The following MAGI2 variants were observed in gnomAD, a reference collection of about 807,000 sequenced individuals.
The protein encoded by MAGI2 is membrane-associated guanylate kinase, WW and PDZ domain-containing protein 2.
In MAGI2, 35 loss-of-function variants were observed where a neutral mutation model predicts 133.3. The ratio of observed to expected loss-of-function variants is 0.26; its 90% CI spans 0.20 to 0.35. The LOEUF is 0.35. Ranked by LOEUF, MAGI2 falls within the 10% of genes least tolerant of loss-of-function variation. The pLI, the probability that MAGI2 is intolerant of heterozygous loss-of-function variation, is 1.00. For missense variants in MAGI2, 1,636 were observed against 1,863.4 expected, an observed-to-expected ratio of 0.88 and a Z score of 2.25; for synonymous variants, 729 against 710.6, an observed-to-expected ratio of 1.03 and a Z score of -0.41.
intron 1 of MAGI2, among the ~76,000 whole-genome samples, chr7:79,288,539 T>C (rs541253419): frequency 2.6e-5 from 4 of 152,296 alleles, no homozygotes; most frequent in South Asian, 4.1e-4. Flanking sequence ...ATTCTGCATA[T>C]GGATTTCTGC....
Position 78,019,678 on chromosome 7 carries a change from C to T in MAGI2, c.4005G>A (p.Gln1335=). The part of the protein sequence containing the change: ...RPRLEEAPGG[Q]GRPEAGRPAS... ...CGGGCCTGCCGGCCTCGGGCCGCCC[C>T]TGGCCGCCGGGCGCCTCCTCGAGCC... The change falls in exon 22 of 22, where the codon CAG becomes CAA. Residue 1335 remains glutamine, a synonymous_variant. Coordinates refer to ENST00000354212, the MANE Select transcript of MAGI2 (RefSeq NM_012301.4). 4 of 1,450,136 alleles carry T rather than the reference C, an allele frequency of 2.8e-6. No individual in the cohort carries two copies. The highest frequency in any genetic ancestry group is 2.7e-5 in the South Asian group (2 of 74,332). 89.8% of individuals were successfully genotyped at this position (1,450,136 alleles called of 1,614,324 possible). A position where few individuals can be genotyped will look rare whatever the true frequency, so the allele number is the denominator to read the frequency against.
intron 2 of MAGI2, among the ~76,000 whole-genome samples, chr7:78,859,383 G>A: frequency 6.6e-6 from 1 of 151,804 alleles, no homozygotes; most frequent in Non-Finnish European, 1.5e-5. Flanking sequence ...GGTATCAGTT[G>A]TTCCTTTCCA....
At chr7:78,091,042 ATGTG>A (rs754389330) in intron 20 of MAGI2, among the ~76,000 whole-genome samples, 1 of 103,764 alleles carries the variant, frequency 9.6e-6, no homozygotes, top group Non-Finnish European at 2.2e-5. Flanking sequence ...ACTGATGTGT[ATGTG>A]TGTGTATGTG....
At chr7:78,396,457 G>A (rs73367682) in intron 6 of MAGI2, among the ~76,000 whole-genome samples, 1,587 of 152,088 alleles carry the variant, frequency 0.01, 23 homozygotes, top group African/African-American at 0.037. Context: ...ACTTTACTTG[G>A]AACGTTCTTC....
intron 1 of MAGI2, among the ~76,000 whole-genome samples, chr7:79,230,398 A>C (rs1831259891): frequency 6.6e-6 from 1 of 151,894 alleles, no homozygotes; most frequent in South Asian, 2.1e-4. Flanking sequence ...ACTAGTTTAC[A>C]GTCCCACCAA....
At chr7:79,395,562 C>T (rs1844987925) in intron 1 of MAGI2, among the ~76,000 whole-genome samples, 1 of 152,146 alleles carries the variant, frequency 6.6e-6, no homozygotes, top group East Asian at 1.9e-4. Context: ...TGTATAGTGA[C>T]TCATATTATT....
intron 1 of MAGI2, among the ~76,000 whole-genome samples, chr7:79,319,841 A>T (rs572513964): frequency 6.6e-6 from 1 of 152,274 alleles, no homozygotes; most frequent in African/African-American, 2.4e-5. Flanking sequence ...TTTCAAGGAG[A>T]TAGACATGAT....
At chr7:78,871,509 T>A (rs938508742) in intron 2 of MAGI2, among the ~76,000 whole-genome samples, 1 of 151,978 alleles carries the variant, frequency 6.6e-6, no homozygotes, top group African/African-American at 2.4e-5. Context: ...ATTTACATAG[T>A]GATAGTAATT....
intron 1 of MAGI2, among the ~76,000 whole-genome samples, chr7:79,028,265 A>ATG (rs1554336426): frequency 1.3e-3 from 31 of 23,032 alleles, no homozygotes; most frequent in African/African-American, 3.9e-3. Context: ...ATATATATAT[A>ATG]TATGTATGTA....
intron 3 of MAGI2, among the ~76,000 whole-genome samples, chr7:78,563,198 T>C (rs1044151377): frequency 1.3e-5 from 2 of 152,168 alleles, no homozygotes; most frequent in African/African-American, 2.4e-5. Flanking sequence ...CCTTGCAAGA[T>C]GACAGGGCAC....
intron 6 of MAGI2, among the ~76,000 whole-genome samples, chr7:78,421,468 G>A (rs1245513446): frequency 6.6e-6 from 1 of 152,154 alleles, no homozygotes; most frequent in African/African-American, 2.4e-5. Flanking sequence ...AAATATAACT[G>A]AGTTAGCATG....
intron 15 of MAGI2, among the ~76,000 whole-genome samples, chr7:78,161,129 T>C (rs1162410012): frequency 6.6e-6 from 1 of 152,214 alleles, no homozygotes; most frequent in Non-Finnish European, 1.5e-5. Flanking sequence ...TTTCCATTTT[T>C]ACAGTCCATC....
At chr7:79,301,152 C>G (rs1450040240) in intron 1 of MAGI2, among the ~76,000 whole-genome samples, 1 of 152,212 alleles carries the variant, frequency 6.6e-6, no homozygotes, top group African/African-American at 2.4e-5. Flanking sequence ...GATTTGGAGC[C>G]CCCACACAGA....
intron 2 of MAGI2, among the ~76,000 whole-genome samples, chr7:78,853,670 T>C (rs944782171): frequency 2.6e-5 from 4 of 152,064 alleles, no homozygotes; most frequent in African/African-American, 4.8e-5. Context: ...CTTGATGTAA[T>C]ATCCTGCTCC....
chr7:78,317,507 T>C (rs1340925848), intron 9 of MAGI2, among the ~76,000 whole-genome samples: 1 of 152,178 alleles, frequency 6.6e-6, no homozygotes, highest in Non-Finnish European at 1.5e-5. Flanking sequence ...CATATTAAGA[T>C]ACGTAAGAAG....
intron 3 of MAGI2, among the ~76,000 whole-genome samples, chr7:78,532,462 G>A (rs966158420): frequency 1.3e-5 from 2 of 152,126 alleles, no homozygotes; most frequent in Non-Finnish European, 2.9e-5. Context: ...CCTTTCATTT[G>A]CATCCATCCC....
chr7:79,080,329 G>A (rs892787707), intron 1 of MAGI2, among the ~76,000 whole-genome samples: 4 of 152,070 alleles, frequency 2.6e-5, no homozygotes, highest in Admixed American at 1.3e-4. Flanking sequence ...AAGTATACTG[G>A]GCAGCTCACT....
chr7:79,010,142 G>A (rs573244836), intron 1 of MAGI2, among the ~76,000 whole-genome samples: 4 of 151,934 alleles, frequency 2.6e-5, no homozygotes, highest in African/African-American at 9.7e-5. Flanking sequence ...TATAATACAT[G>A]TGTGTATACA....
intron 1 of MAGI2, among the ~76,000 whole-genome samples, chr7:79,374,208 C>CT (rs952597080): frequency 2.0e-5 from 3 of 151,754 alleles, no homozygotes; most frequent in Admixed American, 6.6e-5. Context: ...CAGGATGTGG[C>CT]TTTTTTTGGA....
Sources: gnomAD v4.1 joint callset for allele counts (sites outside exome capture counted in the v4.1 genomes callset) on GRCh38, gnomAD v4.1.1 for gene constraint, MANE v1.5 for transcripts, NCBI Gene and HGNC (gene_info 2026-07-23, HGNC 2026-07-21) for gene names.